Variants in CDH13 observed in about 807,000 individuals in gnomAD.
The protein encoded by CDH13 is cadherin 13.
CDH13 carries 24 observed loss-of-function variants against 63.8 expected under a neutral mutation model. The ratio of observed to expected loss-of-function variants is 0.38; its 90% CI spans 0.27 to 0.53. CDH13 has a LOEUF of 0.53. Among genes scored for constraint, CDH13 ranks in the 20% least tolerant of loss-of-function variants. CDH13 has a pLI of 0.85. For synonymous variants in CDH13, 503 were observed against 355.3 expected (o/e 1.42, Z -4.67); for missense variants, 1,049 against 903.1 (o/e 1.16, Z -2.07).
rs566830290 is a variant in CDH13 at position 83,646,956 on chromosome 16, C to G, written c.1102-23834C>G. Among the ~76,000 whole-genome samples, 125 of 152,106 alleles carry G rather than the reference C, an allele frequency of 8.2e-4. 1 individual carries two copies. Among genetic ancestry groups the G allele is most frequent in the African/African-American group, 2.8e-3 (118 of 41,500 alleles). On this transcript the variant is annotated intron_variant, in intron 8 of 13. Coordinates refer to ENST00000567109, the MANE Select transcript of CDH13 (RefSeq NM_001257.5). ...CAGCATCATTTACGTTTTGTCCTTT[C>G]CTGGAGGTCTACACCAGGCACCTGG... is the stretch of plus-strand genomic sequence containing the variant.
At chr16:82,696,327 C>G (rs914621502) in intron 1 of CDH13, among the ~76,000 whole-genome samples, 1 of 152,120 alleles carries the variant, frequency 6.6e-6, no homozygotes. Flanking sequence ...TGAAAGATTA[C>G]TTTCTAACAA....
intron 5 of CDH13, 125 bp downstream of exon 5, chr16:83,217,622 T>C: frequency 1.0e-6 from 1 of 960,902 alleles, no homozygotes; most frequent in Admixed American, 2.5e-5. Context: ...TTTAGGGTGT[T>C]TCTGTGGGAG....
chr16:83,184,125 C>CACACAT (rs1171567647), intron 4 of CDH13, among the ~76,000 whole-genome samples: 27 of 142,066 alleles, frequency 1.9e-4, no homozygotes, highest in Non-Finnish European at 3.0e-5. Flanking sequence ...CACACACACA[C>CACACAT]ATACACACAC....
intron 3 of CDH13, among the ~76,000 whole-genome samples, chr16:83,092,717 C>A (rs1490454447): frequency 1.3e-5 from 2 of 152,114 alleles, no homozygotes; most frequent in Non-Finnish European, 2.9e-5. Context: ...TCAGGTACAT[C>A]CAGGTTTTCC....
In CDH13 at chr16:83,214,251, T is replaced by G. The variant is rs528560677; in HGVS notation, c.484-3094T>G. ...ACGCAGGGAGCTGTTTCCAGAGCAC[T>G]TCTCTTCTGGGAGGCCTGTGAATTT... On this transcript the variant is annotated intron_variant, in intron 4 of 13. Coordinates refer to ENST00000567109, the MANE Select transcript of CDH13 (RefSeq NM_001257.5). 1.6e-3 allele frequency among the ~76,000 whole-genome samples: 248 copies of G among 152,084 alleles called. 1 individual carries two copies. The highest frequency in any genetic ancestry group is 2.9e-3 in the East Asian group (15 of 5,140).
intron 1 of CDH13, among the ~76,000 whole-genome samples, chr16:82,807,266 A>G (rs1476563345): frequency 2.0e-5 from 3 of 152,178 alleles, no homozygotes; most frequent in African/African-American, 7.2e-5. Context: ...CTGTGAACAA[A>G]CATTTTATTT....
At chr16:82,971,837 G>T (rs1046842481) in intron 2 of CDH13, among the ~76,000 whole-genome samples, 4 of 152,156 alleles carry the variant, frequency 2.6e-5, no homozygotes, top group Non-Finnish European at 5.9e-5. Flanking sequence ...ATTTGAGGGG[G>T]GAAGTATCTT....
At chr16:83,775,882 T>C (rs1272390841) in intron 11 of CDH13, among the ~76,000 whole-genome samples, 1 of 152,072 alleles carries the variant, frequency 6.6e-6, no homozygotes, top group African/African-American at 2.4e-5. Context: ...GTGAGGGATT[T>C]TTGCTGAAAA....
At chr16:83,006,912 G>GTTTT (rs1567737600) in intron 2 of CDH13, among the ~76,000 whole-genome samples, 1 of 123,030 alleles carries the variant, frequency 8.1e-6, no homozygotes, top group Admixed American at 7.8e-5. Flanking sequence ...TTTTTTGTTT[G>GTTTT]TTTGTTTGTT....
intron 8 of CDH13, among the ~76,000 whole-genome samples, chr16:83,610,385 C>T (rs16961009): frequency 0.13 from 19,708 of 151,966 alleles, 1,639 homozygotes; most frequent in East Asian, 0.21. Context: ...ATGTAACTTC[C>T]ATATGAAAAA....
chr16:83,797,297 A>G lies in CDH13; in HGVS notation c.*2267A>G, dbSNP rs1904286713. On this transcript the variant is annotated 3_prime_UTR_variant, in exon 14 of 14. Transcript: ENST00000567109. ...GCTGAGTGGCCATTCACTCAAGGAA[A>G]CAAATACAGCATGACTCCTTTTCTC... 6.6e-6 allele frequency: 1 copy of G among 152,250 alleles called. No individual in the cohort carries two copies. The highest frequency in any genetic ancestry group is 6.5e-5 in the Admixed American group (1 of 15,282). The allele number at this position is 152,250 out of a possible 1,614,324, so 9.4% of individuals were successfully genotyped here.
chr16:82,739,039 C>T (rs1031373426), intron 1 of CDH13, among the ~76,000 whole-genome samples: 1 of 152,148 alleles, frequency 6.6e-6, no homozygotes, highest in African/African-American at 2.4e-5. Context: ...TTCTTCCTTT[C>T]GGAAATGAAT....
At chr16:82,981,744 C>G (rs1353003008) in intron 2 of CDH13, among the ~76,000 whole-genome samples, 1 of 152,222 alleles carries the variant, frequency 6.6e-6, no homozygotes, top group Non-Finnish European at 1.5e-5. Context: ...ATGGGATGCT[C>G]ACATTCAGCC....
At chr16:83,191,488 T>TAC (rs1491581330) in intron 4 of CDH13, among the ~76,000 whole-genome samples, 1 of 95,614 alleles carries the variant, frequency 1.0e-5, no homozygotes, top group Non-Finnish European at 2.1e-5. Context: ...TATATATATA[T>TAC]GCACATATAT....
intron 3 of CDH13, among the ~76,000 whole-genome samples, chr16:83,119,522 C>T (rs935157441): frequency 6.6e-6 from 1 of 152,186 alleles, no homozygotes; most frequent in East Asian, 1.9e-4. Flanking sequence ...TATTACCTCC[C>T]TCCTTTACGC....
At chr16:83,289,410 A>G (rs2089411365) in intron 5 of CDH13, among the ~76,000 whole-genome samples, 1 of 152,168 alleles carries the variant, frequency 6.6e-6, no homozygotes, top group African/African-American at 2.4e-5. Context: ...GCTTTATAAA[A>G]ATGCAGATGC....
chr16:83,234,131 T>C (rs2040080539), intron 5 of CDH13, among the ~76,000 whole-genome samples: 1 of 152,192 alleles, frequency 6.6e-6, no homozygotes, highest in African/African-American at 2.4e-5. Flanking sequence ...AACCCTAGAT[T>C]CTTGCTCTGA....
At chr16:83,545,931 A>C (rs975908185) in intron 7 of CDH13, among the ~76,000 whole-genome samples, 1 of 152,162 alleles carries the variant, frequency 6.6e-6, no homozygotes, top group Admixed American at 6.5e-5. Flanking sequence ...GAGCTGTTCT[A>C]AGCATTGGGG....
chr16:83,753,341 C>A (rs1438106800), intron 11 of CDH13, among the ~76,000 whole-genome samples: 2 of 152,092 alleles, frequency 1.3e-5, no homozygotes, highest in African/African-American at 4.8e-5. Flanking sequence ...CCTAGGAGTT[C>A]AAAACCATCC....
Sources: allele counts gnomAD v4.1 joint callset (sites outside exome capture counted in the v4.1 genomes callset), GRCh38; gene constraint gnomAD v4.1.1; transcripts MANE v1.5; gene names NCBI Gene and HGNC (gene_info 2026-07-23, HGNC 2026-07-21).